SCFD1: variants seen among roughly 807,000 people sequenced by gnomAD.
SCFD1 encodes the protein sec1 family domain containing 1.
SCFD1 carries 37 observed loss-of-function variants against 103.2 expected under a neutral mutation model. That is an observed-to-expected ratio of 0.36 (90% CI 0.28 to 0.47). SCFD1 has a LOEUF of 0.47. Ranked by LOEUF, SCFD1 falls within the 20% of genes least tolerant of loss-of-function variation. The pLI is 1.00. For synonymous variants in SCFD1, 264 were observed against 245.0 expected, an observed-to-expected ratio of 1.08 and a Z score of -0.73; for missense variants, 639 against 761.2, an observed-to-expected ratio of 0.84 and a Z score of 1.89.
chr14:30,690,980 TAGA>T (rs1407843201), intron 14 of SCFD1, among the ~76,000 whole-genome samples: 1 of 152,262 alleles, frequency 6.6e-6, no homozygotes, highest in Admixed American at 6.5e-5. Flanking sequence ...GCCCATGTTG[TAGA>T]AGAAGATTAA....
intron 23 of SCFD1, among the ~76,000 whole-genome samples, chr14:30,726,460 T>G (rs1893050706): frequency 6.6e-6 from 1 of 152,230 alleles, no homozygotes; most frequent in Non-Finnish European, 1.5e-5. Flanking sequence ...TGATACCATT[T>G]GCACCAAGTA....
intron 7 of SCFD1, among the ~76,000 whole-genome samples, chr14:30,645,313 T>C (rs1445199131): frequency 6.6e-6 from 1 of 152,250 alleles, no homozygotes; most frequent in South Asian, 2.1e-4. Context: ...GCTTTGGCTA[T>C]TCAGGCTCTT....
At chr14:30,627,856 T>TAAAAA (rs59421697) in intron 1 of SCFD1, among the ~76,000 whole-genome samples, 1 of 116,358 alleles carries the variant, frequency 8.6e-6, no homozygotes, top group African/African-American at 3.2e-5. Context: ...CACTCAGACT[T>TAAAAA]AAAAAAAAAA....
chr14:30,719,356 A>G lies in SCFD1; in HGVS notation c.1715A>G (p.Lys572Arg), dbSNP rs1892495290. 2 of 1,607,112 alleles carry G rather than the reference A, an allele frequency of 1.2e-6. No homozygotes were observed. Among genetic ancestry groups the G allele is most frequent in the Non-Finnish European group, 8.5e-7 (1 of 1,177,416 alleles). ...ETDDYRYFDPKMLRGNDSSVP... is the reference protein window; with the variant it reads ...ETDDYRYFDPRMLRGNDSSVP... Reference sequence around the variant, plus strand: ...GATGACTATAGATATTTTGATCCCAAAATGCTGCGGGGCAATGACAGGTAA... The same window carrying G: ...GATGACTATAGATATTTTGATCCCAGAATGCTGCGGGGCAATGACAGGTAA... The change falls in exon 21 of 25, where the codon AAA becomes AGA. Residue 572 changes from lysine (K) to arginine (R), a missense_variant. Transcript: ENST00000458591.
At chr14:30,670,632 A>G (rs1888446248) in intron 11 of SCFD1, among the ~76,000 whole-genome samples, 1 of 151,996 alleles carries the variant, frequency 6.6e-6, no homozygotes. Context: ...CAATGAGATC[A>G]TCCTATACAG....
intron 10 of SCFD1, chr14:30,658,046 G>C (rs532772755): frequency 2.4e-5 from 11 of 452,720 alleles, no homozygotes; most frequent in Non-Finnish European, 4.4e-5. Context: ...TTAGTAATTA[G>C]AAGCCCTGAT....
intron 7 of SCFD1, among the ~76,000 whole-genome samples, chr14:30,646,164 A>T (rs1012591354): frequency 2.6e-5 from 4 of 152,172 alleles, no homozygotes; most frequent in Non-Finnish European, 5.9e-5. Flanking sequence ...CTGGGACTAC[A>T]GGCACATGCC....
chr14:30,717,750 G>A (rs10135625), intron 20 of SCFD1, among the ~76,000 whole-genome samples: 5,536 of 151,840 alleles, frequency 0.036, 324 homozygotes, highest in African/African-American at 0.12. Context: ...GGGGCATGGT[G>A]GCACGCACCT....
intron 15 of SCFD1, among the ~76,000 whole-genome samples, chr14:30,699,887 T>C (rs1026290040): frequency 6.6e-6 from 1 of 152,246 alleles, no homozygotes; most frequent in African/African-American, 2.4e-5. Flanking sequence ...ACCCTGCTTA[T>C]ATCCTTTCCT....
chr14:30,734,824 G>A lies in SCFD1; in HGVS notation c.1871G>A (p.Ser624Asn). Residue 624 changes from serine to asparagine, a missense_variant, in exon 24 of 25, where the codon AGT becomes AAT. Ser to Asn is a conservative substitution (Grantham distance 46, BLOSUM62 1). Transcript: ENST00000458591. ...KQGKHILYGC[S>N]ELFNATQFIK... ...GGCAAACACATTTTATATGGCTGCAGTGAGCTTTTTAATGCTACACAGTTC... is the reference window on the plus strand; with the variant it reads ...GGCAAACACATTTTATATGGCTGCAATGAGCTTTTTAATGCTACACAGTTC... 1 of 1,613,688 alleles carries A rather than the reference G, an allele frequency of 6.2e-7. No individual in the cohort carries two copies. The highest frequency in any genetic ancestry group is 8.5e-7 in the Non-Finnish European group (1 of 1,179,706).
At chr14:30,702,753 A>G (rs1891166722) in intron 17 of SCFD1, among the ~76,000 whole-genome samples, 1 of 152,194 alleles carries the variant, frequency 6.6e-6, no homozygotes, top group Admixed American at 6.5e-5. Context: ...AGGAAAATTC[A>G]CTTGTGCATT....
chr14:30,712,905 T>C (rs994413886), intron 19 of SCFD1, among the ~76,000 whole-genome samples: 4 of 152,238 alleles, frequency 2.6e-5, no homozygotes, highest in African/African-American at 9.6e-5. Flanking sequence ...GATAAAATTT[T>C]ATTTATACCC....
At chr14:30,650,495 C>T in intron 8 of SCFD1, 70 bp from the exon 9 acceptor site, 1 of 890,114 alleles carries the variant, frequency 1.1e-6, no homozygotes, top group East Asian at 2.5e-5. Context: ...AAACTAAAAA[C>T]ACATTTTGAA....
intron 4 of SCFD1, 47 bp from the exon 5 acceptor site, chr14:30,638,078 A>G (rs1279171927): frequency 4.0e-6 from 6 of 1,505,678 alleles, no homozygotes; most frequent in Middle Eastern, 2.3e-4. Flanking sequence ...ATATGTATTC[A>G]TGGTCTTCTT....
chr14:30,622,947 A>G (rs1883004375), intron 1 of SCFD1, among the ~76,000 whole-genome samples: 1 of 152,204 alleles, frequency 6.6e-6, no homozygotes, highest in Admixed American at 6.5e-5. Context: ...AAATGAATTA[A>G]TAGCTTTCTC....
intron 6 of SCFD1, among the ~76,000 whole-genome samples, chr14:30,640,317 G>A (rs1287939048): frequency 6.6e-6 from 1 of 152,156 alleles, no homozygotes; most frequent in Admixed American, 6.5e-5. Flanking sequence ...ATCTGTTCTT[G>A]TGGAAATTCC....
intron 14 of SCFD1, chr14:30,683,141 C>A: frequency 8.7e-7 from 1 of 1,145,226 alleles, no homozygotes; most frequent in East Asian, 2.4e-5. Context: ...CATGTGTGTT[C>A]AAGGGGCTAT....
intron 23 of SCFD1, 61 bp from the exon 24 acceptor site, chr14:30,734,729 T>C: frequency 7.9e-7 from 1 of 1,263,324 alleles, no homozygotes; most frequent in Admixed American, 1.7e-5. Flanking sequence ...ATCTCTTTTC[T>C]TGGGAATATT....
intron 17 of SCFD1, among the ~76,000 whole-genome samples, chr14:30,703,949 ATATATATATATAT>A (rs1891276749): frequency 1.7e-5 from 1 of 58,472 alleles, no homozygotes. Flanking sequence ...ATATATATAT[ATATATATATATAT>A]AAATAATGAG....
Sources: gnomAD v4.1 joint callset for allele counts (sites outside exome capture counted in the v4.1 genomes callset) on GRCh38, gnomAD v4.1.1 for gene constraint, MANE v1.5 for transcripts, NCBI Gene and HGNC (gene_info 2026-07-23, HGNC 2026-07-21) for gene names.